The following YPEL2 variants were observed in gnomAD, a reference collection of about 807,000 sequenced individuals.
YPEL2 encodes protein yippee-like 2.
YPEL2 carries 2 observed loss-of-function variants against 19.1 expected under a neutral mutation model. That is an observed-to-expected ratio of 0.10 (90% CI 0.04 to 0.33). The LOEUF (loss-of-function observed/expected upper bound fraction) is 0.33. Among genes scored for constraint, YPEL2 ranks in the 10% least tolerant of loss-of-function variants. YPEL2 has a pLI of 1.00. For missense variants in YPEL2, 66 were observed against 140.7 expected (o/e 0.47, Z 2.68); for synonymous variants, 52 against 50.0 (o/e 1.04, Z -0.17).
chr17:59,392,991 T>C (rs562209779), intron 4 of YPEL2, among the ~76,000 whole-genome samples: 3 of 152,242 alleles, frequency 2.0e-5, no homozygotes, highest in Non-Finnish European at 4.4e-5. Flanking sequence ...TAAGTGTGAA[T>C]CTCCCAGTTC....
At chr17:59,333,631 A>T (rs896430136) in intron 1 of YPEL2, among the ~76,000 whole-genome samples, 6 of 152,100 alleles carry the variant, frequency 3.9e-5, no homozygotes, top group African/African-American at 7.2e-5. Context: ...TACTTCATTT[A>T]AAAAAATCAA....
chr17:59,334,390 T>TG (rs75456294), intron 1 of YPEL2, among the ~76,000 whole-genome samples: 2,836 of 135,806 alleles, frequency 0.021, 89 homozygotes, highest in African/African-American at 0.06. Flanking sequence ...TCTTTTTATT[T>TG]GGGGGGGGGT....
intron 2 of YPEL2, 90 bp from the exon 3 acceptor site, chr17:59,388,237 A>T: frequency 7.9e-7 from 1 of 1,261,954 alleles, no homozygotes; most frequent in Non-Finnish European, 1.2e-6. Context: ...TCAGTCCTGG[A>T]AGGTCATGCT....
chr17:59,376,004 TC>T (rs2047919105), intron 2 of YPEL2, among the ~76,000 whole-genome samples: 1 of 152,226 alleles, frequency 6.6e-6, no homozygotes, highest in African/African-American at 2.4e-5. Context: ...GGCTTCAGTT[TC>T]CTCCTCTGTC....
chr17:59,342,365 G>A (rs1367670497), intron 1 of YPEL2, among the ~76,000 whole-genome samples: 1 of 152,212 alleles, frequency 6.6e-6, no homozygotes, highest in Non-Finnish European at 1.5e-5. Flanking sequence ...GTACAGCTGT[G>A]GATAGTGCTA....
intron 3 of YPEL2, chr17:59,389,069 C>G: frequency 2.5e-6 from 1 of 405,406 alleles, no homozygotes; most frequent in South Asian, 2.8e-5. Flanking sequence ...GCTTGTCCCC[C>G]TAAGTCACAG....
intron 2 of YPEL2, among the ~76,000 whole-genome samples, chr17:59,372,701 A>T (rs1212536545): frequency 6.6e-6 from 1 of 152,236 alleles, no homozygotes; most frequent in African/African-American, 2.4e-5. Context: ...CACCACACAA[A>T]GCAGATGCCT....
intron 1 of YPEL2, among the ~76,000 whole-genome samples, chr17:59,347,923 TTTTC>T (rs1448196791): frequency 6.6e-5 from 10 of 152,232 alleles, no homozygotes; most frequent in South Asian, 2.1e-4. Flanking sequence ...TCCTTTTTCT[TTTTC>T]TTTCTTTTTT....
chr17:59,388,965 G>A (rs2047994606), intron 3 of YPEL2: 2 of 265,888 alleles, frequency 7.5e-6, no homozygotes, highest in Non-Finnish European at 1.5e-5. Flanking sequence ...GGACCACACT[G>A]TGCTATCATG....
rs1322248632 is a variant in YPEL2 at position 59,399,029 on chromosome 17, G to T, written c.*1839G>T. The stretch of plus-strand genomic sequence containing the variant: ...TTTGTTCCCCAAGGCTTCTTGTCCA[G>T]ATCTTTCCAGTGCTTTCATAGCCCT... On this transcript the variant is annotated 3_prime_UTR_variant, in exon 5 of 5. Transcript: ENST00000312655. The T allele has an allele frequency of 6.6e-6, 1 of 152,372 alleles. No individual in the cohort carries two copies. Among genetic ancestry groups the T allele is most frequent in the Non-Finnish European group, 1.5e-5 (1 of 68,042 alleles). The allele number at this position is 152,372 out of a possible 1,614,324, so 9.4% of individuals were successfully genotyped here.
intron 1 of YPEL2, among the ~76,000 whole-genome samples, chr17:59,348,324 A>C (rs1336215511): frequency 6.6e-6 from 1 of 152,206 alleles, no homozygotes; most frequent in Non-Finnish European, 1.5e-5. Flanking sequence ...GTGGCTCGGC[A>C]TGTGGTGGTC....
chr17:59,386,937 G>C (rs898428130), intron 2 of YPEL2, among the ~76,000 whole-genome samples: 1 of 152,188 alleles, frequency 6.6e-6, no homozygotes, highest in African/African-American at 2.4e-5. Context: ...CAACAATCCA[G>C]CTGCCCCAGA....
At position 59,382,913 on chromosome 17, in the gene YPEL2, G is replaced by C. The variant is rs536890842; in HGVS notation, c.118-5414G>C. Among the ~76,000 whole-genome samples the C allele has an allele frequency of 1.8e-4, 27 of 152,290 alleles. No individual in the cohort carries two copies. The South Asian group carries it at 3.1e-3, about 18-fold the overall frequency. On this transcript the variant is annotated intron_variant, in intron 2 of 4. Coordinates refer to ENST00000312655, the MANE Select transcript of YPEL2 (RefSeq NM_001005404.4). ...CTGCCTCGGCCTCCCAAAGTGCTGG[G>C]ATTATAGGCATGAGCCATCACGCCT...
intron 4 of YPEL2, among the ~76,000 whole-genome samples, chr17:59,390,052 G>A (rs926267589): frequency 2.6e-5 from 4 of 152,066 alleles, no homozygotes; most frequent in African/African-American, 9.7e-5. Flanking sequence ...CCAGGCTGGA[G>A]TACAGTGGCG....
Position 59,399,479 on chromosome 17 carries a change from TTGAC to T in YPEL2, c.*2292_*2295del, listed in dbSNP as rs1035939477. ...CTGTTCTTCCTTGGGGATGAGGCCT[TTGAC>T]TGTTGGATGGATCAGAGCAGGCTCC... On this transcript the variant is annotated 3_prime_UTR_variant, in exon 5 of 5. Coordinates refer to ENST00000312655, the MANE Select transcript of YPEL2 (RefSeq NM_001005404.4). The T allele has an allele frequency of 1.6e-4, 24 of 152,022 alleles. No homozygotes were observed. Among genetic ancestry groups the T allele is most frequent in the African/African-American group, 5.8e-4 (24 of 41,394 alleles). 9.4% of individuals were successfully genotyped at this position (152,022 alleles called of 1,614,324 possible).
intron 1 of YPEL2, among the ~76,000 whole-genome samples, chr17:59,347,598 C>T (rs1034208808): frequency 8.5e-5 from 13 of 152,192 alleles, no homozygotes; most frequent in African/African-American, 3.1e-4. Context: ...GAGATGCTTA[C>T]CTTCAGGCTG....
intron 2 of YPEL2, chr17:59,362,589 TGAG>T (rs1241633613): frequency 1.3e-5 from 2 of 152,208 alleles, no homozygotes; most frequent in Non-Finnish European, 2.9e-5. Flanking sequence ...ACTTGAGCGA[TGAG>T]GCGTACCCTG....
intron 1 of YPEL2, among the ~76,000 whole-genome samples, chr17:59,335,230 C>T (rs1462386382): frequency 1.3e-5 from 2 of 152,142 alleles, no homozygotes; most frequent in South Asian, 2.1e-4. Context: ...TATTGTACTG[C>T]CTGAGTTTGT....
intron 1 of YPEL2, among the ~76,000 whole-genome samples, chr17:59,347,949 G>A (rs940418288): frequency 1.3e-5 from 2 of 152,182 alleles, no homozygotes; most frequent in East Asian, 3.9e-4. Context: ...TTAAGCAGCA[G>A]CATCTGTTTT....
Sources: allele counts gnomAD v4.1 joint callset (sites outside exome capture counted in the v4.1 genomes callset), GRCh38; gene constraint gnomAD v4.1.1; transcripts MANE v1.5; gene names NCBI Gene and HGNC (gene_info 2026-07-23, HGNC 2026-07-21).